Variants in PCDHGA5 observed in about 807,000 individuals in gnomAD.
PCDHGA5 encodes the protein protocadherin gamma-A5.
Under a neutral mutation model 56.7 loss-of-function variants are expected in PCDHGA5, and 36 were observed. The ratio of observed to expected loss-of-function variants is 0.64; its 90% CI spans 0.49 to 0.84. PCDHGA5 has a LOEUF of 0.84. Ranked by LOEUF, PCDHGA5 falls within the 40% of genes least tolerant of loss-of-function variation. PCDHGA5 has a pLI of 0.00. For missense variants in PCDHGA5, 1,305 were observed against 1,201.5 expected (o/e 1.09, Z -1.27); for synonymous variants, 563 against 520.2 (o/e 1.08, Z -1.12).
chr5:141,376,009 A>G lies in PCDHGA5; in HGVS notation c.2421+9258A>G, dbSNP rs111388524. 32 of 1,613,224 alleles carry G rather than the reference A, an allele frequency of 2.0e-5. No homozygotes were observed. In the South Asian group the frequency reaches 3.5e-4, roughly 18 times the overall value. On this transcript the variant is annotated intron_variant, in intron 1 of 3. Transcript: ENST00000518069. ...ACAGAGACGCGCTCAAGCAGAGCCT[A>G]GTGGTGGCCGTCCAGGACCACGGCC...
chr5:141,492,908 A>G (rs1595151443), intron 1 of PCDHGA5, among the ~76,000 whole-genome samples: 2 of 152,302 alleles, frequency 1.3e-5, no homozygotes, highest in African/African-American at 4.8e-5. Context: ...TCGTGATCAC[A>G]ATGTGCCCAG....
chr5:141,424,956 T>C (rs1435882776), intron 1 of PCDHGA5, among the ~76,000 whole-genome samples: 3 of 152,176 alleles, frequency 2.0e-5, no homozygotes, highest in African/African-American at 7.2e-5. Context: ...TTCTAGGTAT[T>C]TGCCCCAAAT....
chr5:141,409,828 C>T (rs2154542180), intron 1 of PCDHGA5: 1 of 1,611,128 alleles, frequency 6.2e-7, no homozygotes, highest in Non-Finnish European at 8.5e-7. Flanking sequence ...CGCCCACGCT[C>T]AGCGCCAACG....
At position 141,431,604 on chromosome 5, in the gene PCDHGA5, G is replaced by A; in HGVS notation, c.2422-63203G>A. On this transcript the variant is annotated intron_variant, in intron 1 of 3. Coordinates refer to ENST00000518069, the MANE Select transcript of PCDHGA5 (RefSeq NM_018918.3). The surrounding 1 kb of genome is among the most constrained non-coding windows in gnomAD (Gnocchi z 4.8). ...AATGCGGAAGTGAGGTATTCCTTCCGGTATGTGGACGACAAGGCGGCCCAA... is the reference window on the plus strand; with the variant it reads ...AATGCGGAAGTGAGGTATTCCTTCCAGTATGTGGACGACAAGGCGGCCCAA... 8 of 1,614,206 alleles carry A rather than the reference G, an allele frequency of 5.0e-6. No individual in the cohort carries two copies. Among genetic ancestry groups the A allele is most frequent in the Non-Finnish European group, 6.8e-6 (8 of 1,180,046 alleles).
chr5:141,435,444 A>G (rs1471113812), intron 1 of PCDHGA5, among the ~76,000 whole-genome samples: 1 of 152,216 alleles, frequency 6.6e-6, no homozygotes, highest in East Asian at 1.9e-4. Flanking sequence ...TTTCATTAAT[A>G]CGATATCTGT....
intron 1 of PCDHGA5, chr5:141,399,317 C>T (rs368407532): frequency 2.0e-5 from 33 of 1,613,814 alleles, no homozygotes; most frequent in Non-Finnish European, 2.8e-5. Flanking sequence ...TCCAAAAATT[C>T]GTATAAGTTG....
At chr5:141,414,722 G>T in intron 1 of PCDHGA5, 1 of 1,614,128 alleles carries the variant, frequency 6.2e-7, no homozygotes, top group South Asian at 1.1e-5. Flanking sequence ...TCAGACACTG[G>T]CGTCCTGTAT....
At chr5:141,385,415 T>C (rs1781181251) in intron 1 of PCDHGA5, 2 of 1,466,016 alleles carry the variant, frequency 1.4e-6, no homozygotes, top group Non-Finnish European at 1.8e-6. Context: ...AAAATAGGGA[T>C]TTAAAAAACT....
At chr5:141,508,535 C>CA (rs1426956469) in intron 3 of PCDHGA5, among the ~76,000 whole-genome samples, 1 of 152,172 alleles carries the variant, frequency 6.6e-6, no homozygotes, top group Admixed American at 6.5e-5. Flanking sequence ...GGGCACCCCC[C>CA]ACGAGGTGGG....
rs1156927948 is a variant in PCDHGA5, at chr5:141,490,342, G to A, written c.2422-4465G>A. 16 of 1,614,126 alleles carry A rather than the reference G, an allele frequency of 9.9e-6. 1 individual carries two copies. In the Admixed American group the frequency reaches 1.3e-4, roughly 13 times the overall value. ...CCTAGAGAGCACACCAGTGGGCACA[G>A]TAGTGGGGTTGTTTAATGTGCGAGA... On this transcript the variant is annotated intron_variant, in intron 1 of 3. Coordinates refer to ENST00000518069, the MANE Select transcript of PCDHGA5 (RefSeq NM_018918.3). This position sits in a 1 kb window ranked among gnomAD's most constrained non-coding sequence, Gnocchi z 5.4.
chr5:141,367,935 G>A (rs951282993), intron 1 of PCDHGA5, among the ~76,000 whole-genome samples: 2 of 152,044 alleles, frequency 1.3e-5, no homozygotes, highest in African/African-American at 4.8e-5. Flanking sequence ...CTTAAAGATG[G>A]TTCAAAATTT....
chr5:141,365,936 G>T lies in PCDHGA5; in HGVS notation c.1606G>T (p.Asp536Tyr). 1 of 1,614,202 alleles carries T rather than the reference G, an allele frequency of 6.2e-7. No individual in the cohort carries two copies. Among genetic ancestry groups the T allele is most frequent in the Non-Finnish European group, 8.5e-7 (1 of 1,180,030 alleles). ...CCTACAGTTGTGGGTGACAGCCAGC[G>T]ACAGTGGGAACCCTCCACTTAGCAG... ...RDLQLWVTAS[D>Y]SGNPPLSSNV... The change falls in exon 1 of 4, where the codon GAC (aspartate) becomes TAC (tyrosine). Residue 536 changes from aspartate (D) to tyrosine (Y), a missense_variant. Physicochemically the swap from Asp to Tyr is radical, Grantham distance 160. Coordinates refer to ENST00000518069, the MANE Select transcript of PCDHGA5 (RefSeq NM_018918.3).
intron 1 of PCDHGA5, chr5:141,384,422 A>C: frequency 6.2e-7 from 1 of 1,613,924 alleles, no homozygotes; most frequent in Non-Finnish European, 8.5e-7. Flanking sequence ...GTCTCCATAA[A>C]CTCTGACACT....
chr5:141,414,052 T>C, intron 1 of PCDHGA5: 1 of 1,610,346 alleles, frequency 6.2e-7, no homozygotes, highest in Non-Finnish European at 8.5e-7. Flanking sequence ...TGACACGCAA[T>C]TGTTGAAGTT....
Position 141,485,979 on chromosome 5 carries a change from C to T in PCDHGA5, c.2422-8828C>T. ...CTCATCCAGCTCAATGCCTCAGACC[C>T]GGACCTGGGTCCCAGTGGTAACGTC... is the stretch of plus-strand genomic sequence containing the variant. On this transcript the variant is annotated intron_variant, in intron 1 of 3. Coordinates refer to ENST00000518069, the MANE Select transcript of PCDHGA5 (RefSeq NM_018918.3). The surrounding 1 kb of genome is among the most constrained non-coding windows in gnomAD (Gnocchi z 5.7). The T allele has an allele frequency of 1.2e-6, 2 of 1,614,182 alleles. No individual in the cohort carries two copies. The highest frequency in any genetic ancestry group is 1.7e-6 in the Non-Finnish European group (2 of 1,180,022).
Position 141,431,349 on chromosome 5 carries a change from A to G in PCDHGA5, c.2422-63458A>G. 1.2e-6 allele frequency: 2 copies of G among 1,614,026 alleles called. No individual in the cohort carries two copies. The highest frequency in any genetic ancestry group is 4.5e-5 in the East Asian group (2 of 44,874). On this transcript the variant is annotated intron_variant, in intron 1 of 3. Coordinates refer to ENST00000518069, the MANE Select transcript of PCDHGA5 (RefSeq NM_018918.3). This position sits in a 1 kb window ranked among gnomAD's most constrained non-coding sequence, Gnocchi z 4.8. ...AGTAAGTACCCCGAATTGGTGCTGAAACGCGCCCTGGACCGCGAAGAAAAG... is the reference window on the plus strand; with the variant it reads ...AGTAAGTACCCCGAATTGGTGCTGAGACGCGCCCTGGACCGCGAAGAAAAG...
chr5:141,390,561 G>A (rs921631416), intron 1 of PCDHGA5: 1 of 436,212 alleles, frequency 2.3e-6, no homozygotes, highest in African/African-American at 2.0e-5. Flanking sequence ...TTAGACAGTT[G>A]TTGGCTCTCT....
intron 1 of PCDHGA5, among the ~76,000 whole-genome samples, chr5:141,474,193 A>C (rs2099345142): frequency 6.6e-6 from 1 of 152,256 alleles, no homozygotes. Context: ...TACATTTTTA[A>C]AAGCTGATTT....
chr5:141,433,357 G>GCCTA, intron 1 of PCDHGA5: 1 of 569,056 alleles, frequency 1.8e-6, no homozygotes, highest in Non-Finnish European at 3.1e-6. Context: ...CCTACTGTCT[G>GCCTA]CCTATCTATC....
Sources: allele counts gnomAD v4.1 joint callset (sites outside exome capture counted in the v4.1 genomes callset), GRCh38; gene constraint gnomAD v4.1.1; non-coding constraint Gnocchi (gnomAD v3.1); transcripts MANE v1.5; gene names NCBI Gene and HGNC (gene_info 2026-07-23, HGNC 2026-07-21).